RFX1: variants seen among roughly 807,000 people sequenced by gnomAD.
RFX1 encodes MHC class II regulatory factor RFX1.
RFX1 carries 42 observed loss-of-function variants against 119.6 expected under a neutral mutation model. That is an observed-to-expected ratio of 0.35 (90% CI 0.27 to 0.45). RFX1 has a LOEUF of 0.45. RFX1 is among the 20% of genes least tolerant of loss of function. RFX1 has a pLI of 1.00. For synonymous variants in RFX1, 628 were observed against 618.5 expected (o/e 1.02, Z -0.23); for missense variants, 1,118 against 1,368.1 (o/e 0.82, Z 2.88).
At chr19:13,997,488 G>T (rs550894358) in intron 1 of RFX1, among the ~76,000 whole-genome samples, 5 of 152,234 alleles carry the variant, frequency 3.3e-5, no homozygotes, top group Non-Finnish European at 5.9e-5. Flanking sequence ...CTGTAAGCAC[G>T]CAGGAAATGG....
chr19:13,993,596 G>A lies in RFX1; in HGVS notation c.248C>T (p.Ala83Val). ...QYVTELPAVPAPSQPTGAPTP... is the reference protein window; with the variant it reads ...QYVTELPAVPVPSQPTGAPTP... ...GGGTGCACCGGTTGGCTGCGAGGGT[G>A]CGGGTACAGCCGGGAGCTCCGTCAC... The change falls in exon 2 of 21, where the codon GCA becomes GTA. Residue 83 changes from alanine (A) to valine (V), a missense_variant. Around this residue, in one of 5 missense-constraint regions of RFX1, gnomAD observed 542 missense variants for 602.7 expected, o/e 0.90. Transcript: ENST00000254325. 6.2e-7 allele frequency: 1 copy of A among 1,612,296 alleles called. No individual in the cohort carries two copies. The highest frequency in any genetic ancestry group is 1.1e-5 in the South Asian group (1 of 90,800).
chr19:13,966,369 G>A lies in RFX1; in HGVS notation c.1961+52C>T, dbSNP rs900329774. 8.3e-6 allele frequency: 10 copies of A among 1,205,134 alleles called. No homozygotes were observed. The highest frequency in any genetic ancestry group is 1.2e-5 in the Non-Finnish European group (10 of 813,948). 74.7% of individuals were successfully genotyped at this position (1,205,134 alleles called of 1,614,324 possible). ...ACCCTGGCCATCAAAATCACCTGCG[G>A]GTCATGCCCTCCTCCCCCCTCTCCC... On this transcript the variant is annotated intron_variant, in intron 14 of 20. Coordinates refer to ENST00000254325, the MANE Select transcript of RFX1 (RefSeq NM_002918.5). The surrounding 1 kb of genome is among the most constrained non-coding windows in gnomAD (Gnocchi z 6.3).
In RFX1 at chr19:13,986,655, G is replaced by GC. The variant is rs1026648831; in HGVS notation, c.320-3061dup. ...TGGGCATGCGCAGGAGGCCAGGGAG[G>GC]CCCCCACTGTCTCAGGAAACGGCGG... is the stretch of plus-strand genomic sequence containing the variant. On this transcript the variant is annotated intron_variant, in intron 2 of 20. Coordinates refer to ENST00000254325, the MANE Select transcript of RFX1 (RefSeq NM_002918.5). The surrounding 1 kb of genome is among the most constrained non-coding windows in gnomAD (Gnocchi z 4.2). Among the ~76,000 whole-genome samples, 9 of 152,150 alleles carry GC rather than the reference G, an allele frequency of 5.9e-5. 1 individual carries two copies. Among genetic ancestry groups the GC allele is most frequent in the South Asian group, 4.1e-4 (2 of 4,836 alleles).
intron 12 of RFX1, among the ~76,000 whole-genome samples, chr19:13,967,743 GCTGGGATTACAGA>G (rs1339373969): frequency 2.0e-5 from 3 of 152,054 alleles, no homozygotes; most frequent in African/African-American, 7.2e-5. Flanking sequence ...CTCCCAAAGT[GCTGGGATTACAGA>G]CATGAACCAC....
Position 13,963,124 on chromosome 19 carries a change from C to A in RFX1, c.2722G>T (p.Glu908Ter), listed in dbSNP as rs1309905818. Residue 908 changes from glutamate to a stop codon, truncating the protein, a stop_gained and splice_region_variant, in exon 19 of 21, where the codon GAG becomes TAG. Transcript: ENST00000254325. LOFTEE classifies it high-confidence loss of function. ...CCCCAGTGGCCCGCCTCGCGCACCT[C>A]GCCCATGACGGCGATGGGGGTCTCG... The part of the protein sequence containing the change: ...KGETPIAVMG[E>*]FANLATSLNP... The A allele has an allele frequency of 6.2e-7, 1 of 1,610,886 alleles. No individual in the cohort carries two copies. Among genetic ancestry groups the A allele is most frequent in the Non-Finnish European group, 8.5e-7 (1 of 1,178,484 alleles).
Position 13,963,581 on chromosome 19 carries a change from G to T in RFX1, c.2527C>A (p.Pro843Thr). The change falls in exon 18 of 21, where the codon CCC (proline) becomes ACC (threonine). Residue 843 changes from proline (P) to threonine (T), a missense_variant. Around this residue, in one of 5 missense-constraint regions of RFX1, gnomAD observed 68 missense variants for 67.2 expected, o/e 1.01. Coordinates refer to ENST00000254325, the MANE Select transcript of RFX1 (RefSeq NM_002918.5). ...AGGAGGAAGAGCTTGGCGGCCTTGG[G>T]GAAGCCGGCGCTGCCCTGGTAGGGC... Reference protein sequence around the residue: ...LKPYQGSAGFPKAAKLFLLKW... With the variant: ...LKPYQGSAGFTKAAKLFLLKW... 6.2e-7 allele frequency: 1 copy of T among 1,604,692 alleles called. No individual in the cohort carries two copies.
At chr19:13,977,938 GGGA>G in intron 8 of RFX1, 51 bp downstream of exon 8, 1 of 1,359,072 alleles carries the variant, frequency 7.4e-7, no homozygotes, top group Non-Finnish European at 1.0e-6. Flanking sequence ...TGGGAGACTG[GGGA>G]GGCTCCAGTG....
chr19:13,975,043 C>CAA (rs60183087), intron 8 of RFX1, among the ~76,000 whole-genome samples: 20 of 32,108 alleles, frequency 6.2e-4, no homozygotes, highest in East Asian at 1.0e-3. Flanking sequence ...AACTCCACCT[C>CAA]AAAAAAAAAA....
At chr19:13,988,670 T>A (rs957127521) in intron 2 of RFX1, among the ~76,000 whole-genome samples, 1 of 152,022 alleles carries the variant, frequency 6.6e-6, no homozygotes, top group African/African-American at 2.4e-5. Context: ...GACAGAGCCC[T>A]GCCTGCAGGT....
intron 2 of RFX1, among the ~76,000 whole-genome samples, chr19:13,989,389 A>G (rs563928832): frequency 1.3e-5 from 2 of 152,098 alleles, no homozygotes; most frequent in Admixed American, 1.3e-4. Context: ...TTTGTTTTTG[A>G]GACGGAGTTT....
chr19:13,988,787 G>A (rs531238327), intron 2 of RFX1, among the ~76,000 whole-genome samples: 3 of 152,324 alleles, frequency 2.0e-5, no homozygotes, highest in Admixed American at 6.5e-5. Context: ...TTGGGAGGCC[G>A]AGGCAGGCAG....
intron 2 of RFX1, among the ~76,000 whole-genome samples, chr19:13,987,299 G>A (rs1229310176): frequency 6.6e-6 from 1 of 152,092 alleles, no homozygotes; most frequent in East Asian, 1.9e-4. Flanking sequence ...CCTGACCAGG[G>A]AAACTTGATC....
chr19:13,968,692 T>C lies in RFX1; in HGVS notation c.1617-12A>G. On this transcript the variant is annotated splice_polypyrimidine_tract_variant and intron_variant, in intron 11 of 20. Coordinates refer to ENST00000254325, the MANE Select transcript of RFX1 (RefSeq NM_002918.5). The surrounding 1 kb of genome is among the most constrained non-coding windows in gnomAD (Gnocchi z 5.5). ...GGATGGGCTTGAGCCTGGAGTAGAA[T>C]GGGCAGGTGGGCCGGCTGCTGGGGG... The C allele has an allele frequency of 1.2e-6, 2 of 1,612,274 alleles. No homozygotes were observed. The highest frequency in any genetic ancestry group is 1.7e-6 in the Non-Finnish European group (2 of 1,179,554).
chr19:13,997,522 G>A (rs1975077621), intron 1 of RFX1, among the ~76,000 whole-genome samples: 1 of 152,236 alleles, frequency 6.6e-6, no homozygotes, highest in African/African-American at 2.4e-5. Flanking sequence ...ACTGCCCAGG[G>A]CCCTTTAACG....
At chr19:13,979,318 G>A in intron 7 of RFX1, 129 bp downstream of exon 7, 2 of 557,008 alleles carry the variant, frequency 3.6e-6, no homozygotes, top group South Asian at 3.5e-5. Context: ...CGGGAAAGGG[G>A]AAGGATGTAG....
chr19:13,980,605 C>T lies in RFX1; in HGVS notation c.706G>A (p.Gly236Ser), dbSNP rs374974524. 49 of 1,578,316 alleles carry T rather than the reference C, an allele frequency of 3.1e-5. 1 individual carries two copies. The South Asian group carries it at 4.3e-4, about 14-fold the overall frequency. ...GTVPQQLQVH[G>S]VQQSVPVTQE... ...GTGACGGGGACACTCTGCTGGACGCCGTGGACCTGCAGCTGCTGTGGCACT... is the reference window on the plus strand; with the variant it reads ...GTGACGGGGACACTCTGCTGGACGCTGTGGACCTGCAGCTGCTGTGGCACT... The change falls in exon 6 of 21, where the codon GGC becomes AGC. Residue 236 changes from glycine to serine, a missense_variant. This residue lies in a region of RFX1 where 542 missense variants were observed against 602.7 expected (regional missense o/e 0.90). Coordinates refer to ENST00000254325, the MANE Select transcript of RFX1 (RefSeq NM_002918.5). The surrounding 1 kb of genome is among the most constrained non-coding windows in gnomAD (Gnocchi z 5.1).
rs768154132 is a variant in RFX1, at chr19:13,970,128, C to T, written c.1362G>A (p.Leu454=). Residue 454 remains leucine, a synonymous_variant, in exon 10 of 21, where the codon CTG becomes CTA. Transcript: ENST00000254325. ...DNYETAEGVS[L]PRSTLYCHYL... is the part of the protein sequence containing the mutation. ...AGTGGCAGTAGAGGGTGCTCCGTGGCAGACTCACGCCCTCAGCCGTCTCAT... is the reference window on the plus strand; with the variant it reads ...AGTGGCAGTAGAGGGTGCTCCGTGGTAGACTCACGCCCTCAGCCGTCTCAT... The T allele has an allele frequency of 6.2e-7, 1 of 1,613,708 alleles. No individual in the cohort carries two copies. Among genetic ancestry groups the T allele is most frequent in the Non-Finnish European group, 8.5e-7 (1 of 1,179,856 alleles).
At chr19:13,999,181 T>C (rs191608560) in intron 1 of RFX1, among the ~76,000 whole-genome samples, 127 of 152,328 alleles carry the variant, frequency 8.3e-4, no homozygotes, top group Admixed American at 2.1e-3. Flanking sequence ...GCATGAGGTA[T>C]TGCCCATATA....
chr19:13,981,520 C>T (rs890932247), intron 5 of RFX1, among the ~76,000 whole-genome samples: 1 of 152,186 alleles, frequency 6.6e-6, no homozygotes, highest in African/African-American at 2.4e-5. Flanking sequence ...CGCTTGAACC[C>T]AGGAGTCGGA....
Sources: allele counts gnomAD v4.1 joint callset (sites outside exome capture counted in the v4.1 genomes callset), GRCh38; gene constraint gnomAD v4.1.1; regional missense constraint gnomAD v4.1.1; non-coding constraint Gnocchi (gnomAD v3.1); transcripts MANE v1.5; gene names NCBI Gene and HGNC (gene_info 2026-07-23, HGNC 2026-07-21).